The following ELSPBP1 variants were observed in gnomAD, a reference collection of about 807,000 sequenced individuals.
The protein encoded by ELSPBP1 is epididymal sperm binding protein 1, also known as epididymal sperm-binding protein 1.
ELSPBP1 carries 38 observed loss-of-function variants against 33.3 expected under a neutral mutation model. That is an observed-to-expected ratio of 1.14 (90% CI 0.88 to 1.50). ELSPBP1 has a LOEUF of 1.50. ELSPBP1 is among the 40% of genes most tolerant of loss of function. The pLI is 0.00. For synonymous variants in ELSPBP1, 85 were observed against 94.1 expected (o/e 0.90, Z 0.56); for missense variants, 267 against 263.5 (o/e 1.01, Z -0.09).
intron 1 of ELSPBP1, among the ~76,000 whole-genome samples, chr19:47,998,269 G>T (rs148109314): frequency 1.3e-5 from 2 of 151,898 alleles, no homozygotes; most frequent in African/African-American, 4.8e-5. Context: ...AAAATTAGCC[G>T]GGTGCAGTGG....
At chr19:48,007,686 G>A (rs1967035777) in intron 1 of ELSPBP1, among the ~76,000 whole-genome samples, 1 of 152,162 alleles carries the variant, frequency 6.6e-6, no homozygotes, top group South Asian at 2.1e-4. Flanking sequence ...TTCGTCTCCA[G>A]CTAAGGAGAT....
chr19:48,002,273 A>G (rs570274570), intron 1 of ELSPBP1, among the ~76,000 whole-genome samples: 5 of 152,298 alleles, frequency 3.3e-5, no homozygotes, highest in African/African-American at 1.2e-4. Context: ...TTCTGGCATT[A>G]TAACCTTCTG....
chr19:48,016,456 TTTTCTTTC>T (rs1947277881), intron 4 of ELSPBP1, among the ~76,000 whole-genome samples: 1 of 100,184 alleles, frequency 1.0e-5, no homozygotes, highest in Non-Finnish European at 2.0e-5. Flanking sequence ...TTTCTCTTTC[TTTTCTTTC>T]CTTCTTTCTT....
At chr19:48,021,803 G>C (rs763106530) in intron 5 of ELSPBP1, among the ~76,000 whole-genome samples, 1 of 152,092 alleles carries the variant, frequency 6.6e-6, no homozygotes, top group Non-Finnish European at 1.5e-5. Context: ...CTACAGTGCA[G>C]TGGTGCAATC....
intron 1 of ELSPBP1, 84 bp from the exon 2 acceptor site, chr19:48,008,567 T>C: frequency 1.1e-6 from 1 of 880,808 alleles, no homozygotes; most frequent in Non-Finnish European, 1.8e-6. Flanking sequence ...GAAAGAAAAA[T>C]GGCATGTATG....
chr19:48,009,550 C>G (rs117016060), intron 2 of ELSPBP1, among the ~76,000 whole-genome samples: 163 of 152,312 alleles, frequency 1.1e-3, no homozygotes, highest in Admixed American at 2.7e-3. Context: ...CAATTAGAAT[C>G]CTTTTCTGCC....
intron 1 of ELSPBP1, among the ~76,000 whole-genome samples, chr19:48,006,801 G>C (rs1356026753): frequency 6.6e-6 from 1 of 152,054 alleles, no homozygotes; most frequent in East Asian, 1.9e-4. Context: ...TTCACAAGTA[G>C]TGAATGAGAC....
chr19:48,013,907 C>T (rs891213460), intron 2 of ELSPBP1, among the ~76,000 whole-genome samples: 2 of 152,012 alleles, frequency 1.3e-5, no homozygotes, highest in Admixed American at 6.6e-5. Flanking sequence ...ATCCTCACAT[C>T]GTAGAAGGGG....
At chr19:48,024,776 C>T (rs1967252647) in intron 6 of ELSPBP1, among the ~76,000 whole-genome samples, 176 bp from the exon 7 acceptor site, 1 of 152,164 alleles carries the variant, frequency 6.6e-6, no homozygotes, top group Admixed American at 6.5e-5. Flanking sequence ...GTTCATTGAT[C>T]TCCTTGCTCC....
chr19:47,997,487 T>C (rs1450131844), intron 1 of ELSPBP1, among the ~76,000 whole-genome samples: 1 of 152,238 alleles, frequency 6.6e-6, no homozygotes, highest in Non-Finnish European at 1.5e-5. Context: ...ACACATTATG[T>C]ATGTGCATAT....
In ELSPBP1 at chr19:48,005,004, C is replaced by G. The variant is rs370310432; in HGVS notation, c.-17-3647C>G. Among the ~76,000 whole-genome samples the G allele has an allele frequency of 2.1e-4, 32 of 152,238 alleles. 1 individual carries two copies. Among genetic ancestry groups the G allele is most frequent in the East Asian group, 1.7e-3 (9 of 5,172 alleles). On this transcript the variant is annotated intron_variant, in intron 1 of 6. Coordinates refer to ENST00000339841, the MANE Select transcript of ELSPBP1 (RefSeq NM_022142.5). ...TTGGGCTCAGGAGTTTGAGACCAGCCTGGGCAACATAGCAAGACCTCGTCT... is the reference window on the plus strand; with the variant it reads ...TTGGGCTCAGGAGTTTGAGACCAGCGTGGGCAACATAGCAAGACCTCGTCT...
At position 48,016,465 on chromosome 19, in the gene ELSPBP1, CTTCTTTCTTTCTTTCTTTCT is replaced by C. The variant is rs1196910160; in HGVS notation, c.355+472_355+491del. ...CTCCCTTTTCTCTTTCTTTTCTTTC[CTTCTTTCTTTCTTTCTTTCT>C]TTCTTTCTTTCTTTCTTTCTTTCTT... On this transcript the variant is annotated intron_variant, in intron 4 of 6. Transcript: ENST00000339841. 2.9e-3 allele frequency among the ~76,000 whole-genome samples: 129 copies of C among 44,538 alleles called. 1 individual carries two copies. The highest frequency in any genetic ancestry group is 6.9e-3 in the Admixed American group (26 of 3,754). The allele number at this position is 44,538 out of a possible 152,430, so 29.2% of individuals were successfully genotyped here. A position where few individuals can be genotyped will look rare whatever the true frequency, so the allele number is the denominator to read the frequency against.
At chr19:48,001,772 C>T (rs545538025) in intron 1 of ELSPBP1, among the ~76,000 whole-genome samples, 5 of 151,896 alleles carry the variant, frequency 3.3e-5, no homozygotes, top group South Asian at 2.1e-4. Flanking sequence ...AGGCTGATCT[C>T]GACCTCCTGG....
chr19:48,023,534 A>AGGAAGAAAGGAAGGAAGTAT (rs1967235182), intron 6 of ELSPBP1, among the ~76,000 whole-genome samples: 1 of 133,072 alleles, frequency 7.5e-6, no homozygotes, highest in African/African-American at 2.8e-5. Context: ...GAAGGGAGGA[A>AGGAAGAAAGGAAGGAAGTAT]GGAAAGAAGG....
chr19:48,002,242 T>C (rs1288371818), intron 1 of ELSPBP1, among the ~76,000 whole-genome samples: 1 of 152,136 alleles, frequency 6.6e-6, no homozygotes, highest in Non-Finnish European at 1.5e-5. Flanking sequence ...ACCCAGGTGG[T>C]TGGGCTCCAG....
In ELSPBP1 at chr19:48,011,011, C is replaced by T. The variant is rs62129070; in HGVS notation, c.70+2274C>T. 0.17 allele frequency among the ~76,000 whole-genome samples: 25,409 copies of T among 151,982 alleles called. 2,192 individuals carry two copies. Among genetic ancestry groups the T allele is most frequent in the South Asian group, 0.23 (1,093 of 4,820 alleles). ...AAAGCATTGATAATGACAATAATGA[C>T]AGTGAAGATGACAATGATAATGATG... is the stretch of plus-strand genomic sequence containing the variant. On this transcript the variant is annotated intron_variant, in intron 2 of 6. Coordinates refer to ENST00000339841, the MANE Select transcript of ELSPBP1 (RefSeq NM_022142.5). This position sits in a 1 kb window ranked among gnomAD's most constrained non-coding sequence, Gnocchi z 4.5.
intron 1 of ELSPBP1, among the ~76,000 whole-genome samples, chr19:48,003,094 A>G (rs920168860): frequency 6.6e-6 from 1 of 152,218 alleles, no homozygotes; most frequent in East Asian, 1.9e-4. Flanking sequence ...AAGCATCTGA[A>G]CCTGCCAGTG....
At chr19:48,007,804 C>A (rs911642873) in intron 1 of ELSPBP1, among the ~76,000 whole-genome samples, 1 of 152,100 alleles carries the variant, frequency 6.6e-6, no homozygotes, top group Non-Finnish European at 1.5e-5. Flanking sequence ...CCCTTTCCTC[C>A]CTGGGTGACC....
chr19:47,996,063 A>C (rs763120393), intron 1 of ELSPBP1, among the ~76,000 whole-genome samples: 1 of 152,196 alleles, frequency 6.6e-6, no homozygotes, highest in South Asian at 2.1e-4. Flanking sequence ...AGCTGTTTGA[A>C]GACAGCTATC....
Sources: gnomAD v4.1 joint callset for allele counts (sites outside exome capture counted in the v4.1 genomes callset) on GRCh38, gnomAD v4.1.1 for gene constraint, Gnocchi (gnomAD v3.1) non-coding constraint, MANE v1.5 for transcripts, NCBI Gene and HGNC (gene_info 2026-07-23, HGNC 2026-07-21) for gene names.